TIAM1: variants seen among roughly 807,000 people sequenced by gnomAD.
TIAM1 encodes rho guanine nucleotide exchange factor TIAM1.
TIAM1 carries 65 observed loss-of-function variants against 163.5 expected under a neutral mutation model. The observed-to-expected ratio is 0.40, with a 90% CI of 0.33 to 0.49. The LOEUF is 0.49. Ranked by LOEUF, TIAM1 falls within the 20% of genes least tolerant of loss-of-function variation. The pLI is 0.77. For synonymous variants in TIAM1, 833 were observed against 810.1 expected, an observed-to-expected ratio of 1.03 and a Z score of -0.48; for missense variants, 1,789 against 2,044.7, an observed-to-expected ratio of 0.87 and a Z score of 2.41.
In TIAM1 at chr21:31,313,810, CAAGT is replaced by C. The variant is rs201675664; in HGVS notation, c.-189+25429_-189+25432del. 6.8e-3 allele frequency among the ~76,000 whole-genome samples: 1,035 copies of C among 152,316 alleles called. 23 individuals are homozygous for C. In the East Asian group the frequency reaches 0.089, roughly 13 times the overall value. On this transcript the variant is annotated intron_variant, in intron 2 of 27. Transcript: ENST00000541036. Reference sequence around the variant, plus strand: ...CAGGCTGATCTCAAACTCCTGACCTCAAGTAATCTGTCCGCCTCGGCCTCCCAAA... The same window carrying C: ...CAGGCTGATCTCAAACTCCTGACCTCAATCTGTCCGCCTCGGCCTCCCAAA...
intron 27 of TIAM1, chr21:31,123,902 G>A (rs1336844741): frequency 2.0e-5 from 3 of 152,156 alleles, no homozygotes; most frequent in African/African-American, 4.8e-5. Flanking sequence ...GAATATTTAT[G>A]CTGGGACCAT....
chr21:31,313,586 A>AT (rs1231318594), intron 2 of TIAM1, among the ~76,000 whole-genome samples: 10 of 151,896 alleles, frequency 6.6e-5, no homozygotes, highest in Admixed American at 6.6e-4. Context: ...AGCACACTTT[A>AT]TTTTTTTTGA....
chr21:31,519,305 C>CAAAAAAAAAAAAA (rs369132676), intron 1 of TIAM1, among the ~76,000 whole-genome samples: 1 of 53,130 alleles, frequency 1.9e-5, no homozygotes, highest in Non-Finnish European at 3.3e-5. Flanking sequence ...AACTCTGTCT[C>CAAAAAAAAAAAAA]AAAAAAAAAA....
chr21:31,184,477 T>A (rs2085188704), intron 14 of TIAM1, among the ~76,000 whole-genome samples: 1 of 152,292 alleles, frequency 6.6e-6, no homozygotes, highest in Admixed American at 6.5e-5. Flanking sequence ...GGATCGTGTT[T>A]GTGGACCAGG....
chr21:31,271,540 G>A (rs1474124880), intron 3 of TIAM1, among the ~76,000 whole-genome samples: 1 of 152,156 alleles, frequency 6.6e-6, no homozygotes, highest in Admixed American at 6.5e-5. Context: ...TTCAGCTTGT[G>A]CTCCAGTGTG....
intron 2 of TIAM1, among the ~76,000 whole-genome samples, chr21:31,454,484 G>C (rs1298670318): frequency 1.3e-5 from 2 of 152,172 alleles, no homozygotes; most frequent in African/African-American, 2.4e-5. Flanking sequence ...GCCAGAGCAA[G>C]GTAGGCGTTC....
chr21:31,445,058 C>A (rs748599258), intron 2 of TIAM1, among the ~76,000 whole-genome samples: 79 of 152,076 alleles, frequency 5.2e-4, no homozygotes, highest in Admixed American at 2.2e-3. Flanking sequence ...AATGCAAAGA[C>A]AACTACTGCT....
intron 15 of TIAM1, among the ~76,000 whole-genome samples, chr21:31,166,698 C>A (rs2084234147): frequency 6.6e-6 from 1 of 152,244 alleles, no homozygotes; most frequent in African/African-American, 2.4e-5. Flanking sequence ...AAGAAGGAAG[C>A]TCAGTTAACT....
intron 9 of TIAM1, 110 bp downstream of exon 9, chr21:31,217,443 G>C: frequency 6.9e-7 from 1 of 1,452,982 alleles, no homozygotes; most frequent in Non-Finnish European, 9.3e-7. Context: ...GTGCCAACTA[G>C]TTGATTTTAA....
chr21:31,225,402 T>C (rs899486154), intron 7 of TIAM1, among the ~76,000 whole-genome samples: 61 of 152,238 alleles, frequency 4.0e-4, no homozygotes, highest in African/African-American at 1.4e-3. Flanking sequence ...TCCAAGTCAG[T>C]CTGATAACAT....
chr21:31,554,041 A>C (rs949964229), intron 1 of TIAM1, among the ~76,000 whole-genome samples: 8 of 152,186 alleles, frequency 5.3e-5, no homozygotes, highest in Non-Finnish European at 1.0e-4. Flanking sequence ...CAAGGTTAGC[A>C]GCTCTCAGGC....
At chr21:31,222,679 ATATATATAT>A (rs2087634509) in intron 8 of TIAM1, among the ~76,000 whole-genome samples, 5 of 35,020 alleles carry the variant, frequency 1.4e-4, no homozygotes, top group African/African-American at 4.0e-4. Context: ...ACACATACAT[ATATATATAT>A]ATATATATAT....
chr21:31,179,033 G>A (rs1043406549), intron 15 of TIAM1, among the ~76,000 whole-genome samples: 31 of 151,868 alleles, frequency 2.0e-4, no homozygotes, highest in Admixed American at 6.6e-5. Context: ...TTACAGGCGT[G>A]AGCCACCACA....
chr21:31,509,044 G>C (rs1299104486), intron 1 of TIAM1, among the ~76,000 whole-genome samples: 1 of 152,182 alleles, frequency 6.6e-6, no homozygotes, highest in Non-Finnish European at 1.5e-5. Context: ...TGGAGGGAAT[G>C]AGTCTTAAAG....
At chr21:31,558,579 A>G (rs2048976628) in intron 1 of TIAM1, among the ~76,000 whole-genome samples, 1 of 152,068 alleles carries the variant, frequency 6.6e-6, no homozygotes, top group South Asian at 2.1e-4. Flanking sequence ...GCCGCAGGTC[A>G]GCGCTGACCT....
intron 2 of TIAM1, among the ~76,000 whole-genome samples, chr21:31,314,242 G>T (rs1244295458): frequency 4.6e-5 from 7 of 152,116 alleles, no homozygotes; most frequent in Non-Finnish European, 1.0e-4. Context: ...CCTTGGCAAG[G>T]ATATATTTTT....
chr21:31,296,822 C>T (rs2074287828), intron 2 of TIAM1, among the ~76,000 whole-genome samples: 1 of 152,170 alleles, frequency 6.6e-6, no homozygotes, highest in Admixed American at 6.5e-5. Flanking sequence ...TGCCACCACG[C>T]CCAGCTAATT....
intron 2 of TIAM1, among the ~76,000 whole-genome samples, chr21:31,289,587 T>G (rs1051002435): frequency 5.3e-5 from 8 of 152,312 alleles, no homozygotes; most frequent in Non-Finnish European, 1.2e-4. Context: ...CAACAATTAC[T>G]GTTCATCCTA....
At chr21:31,143,274 A>G (rs1240279435) in intron 20 of TIAM1, among the ~76,000 whole-genome samples, 1 of 152,126 alleles carries the variant, frequency 6.6e-6, no homozygotes, top group Non-Finnish European at 1.5e-5. Flanking sequence ...CCCCATTGGA[A>G]ATTCATTTCC....
Sources: gnomAD v4.1 joint callset for allele counts (sites outside exome capture counted in the v4.1 genomes callset) on GRCh38, gnomAD v4.1.1 for gene constraint, MANE v1.5 for transcripts, NCBI Gene and HGNC (gene_info 2026-07-23, HGNC 2026-07-21) for gene names.